The following ANKRD11 variants were observed in gnomAD, a reference collection of about 807,000 sequenced individuals.
ANKRD11 encodes the protein ankyrin repeat domain 11, also known as ankyrin repeat domain-containing protein 11.
Under a neutral mutation model 195.7 loss-of-function variants are expected in ANKRD11, and 17 were observed. That is an observed-to-expected ratio of 0.09 (90% CI 0.06 to 0.13). The LOEUF (loss-of-function observed/expected upper bound fraction) is 0.13. Among genes scored for constraint, ANKRD11 ranks in the 10% least tolerant of loss-of-function variants. The pLI is 1.00. For synonymous variants in ANKRD11, 1,953 were observed against 1,528.1 expected (o/e 1.28, Z -6.49); for missense variants, 3,735 against 3,566.1 (o/e 1.05, Z -1.21).
intron 4 of ANKRD11, among the ~76,000 whole-genome samples, chr16:89,303,835 G>T (rs1426065337): frequency 6.6e-6 from 1 of 152,098 alleles, no homozygotes; most frequent in Non-Finnish European, 1.5e-5. Context: ...GGCTGTGCCT[G>T]CTGCCGTTCC....
chr16:89,478,434 ACAC>A (rs1052087016), intron 1 of ANKRD11, among the ~76,000 whole-genome samples: 61 of 152,246 alleles, frequency 4.0e-4, no homozygotes, highest in African/African-American at 1.2e-3. Context: ...CGACGCCTCC[ACAC>A]CACAACTGAA....
At chr16:89,330,565 G>A (rs1244374766) in intron 2 of ANKRD11, among the ~76,000 whole-genome samples, 3 of 151,254 alleles carry the variant, frequency 2.0e-5, no homozygotes, top group Non-Finnish European at 2.9e-5. Context: ...GGTGTGGGGG[G>A]GAGCCACGGC....
intron 2 of ANKRD11, among the ~76,000 whole-genome samples, chr16:89,416,037 C>CA (rs1597339650): frequency 6.6e-6 from 1 of 151,972 alleles, no homozygotes; most frequent in East Asian, 1.9e-4. Flanking sequence ...TCAATCTAAC[C>CA]ACCACAGGCA....
chr16:89,339,159 T>A (rs1211465749), intron 2 of ANKRD11, among the ~76,000 whole-genome samples: 4 of 152,150 alleles, frequency 2.6e-5, no homozygotes, highest in Non-Finnish European at 5.9e-5. Flanking sequence ...AGAATCCATA[T>A]CCCATCTAGA....
At chr16:89,278,131 G>A (rs1460276073) in intron 9 of ANKRD11, 6 of 258,284 alleles carry the variant, frequency 2.3e-5, no homozygotes, top group African/African-American at 4.5e-5. Context: ...GCGTGGTCTG[G>A]GAGGAGACTC....
At position 89,279,977 on chromosome 16, in the gene ANKRD11, C is replaced by T; in HGVS notation, c.6565G>A (p.Ala2189Thr). Residue 2189 changes from alanine to threonine, a missense_variant, in exon 9 of 13, where the codon GCA (alanine) becomes ACA (threonine). Coordinates refer to ENST00000301030, the MANE Select transcript of ANKRD11 (RefSeq NM_013275.6). This position sits in a 1 kb window ranked among gnomAD's most constrained non-coding sequence, Gnocchi z 5.6. The stretch of plus-strand genomic sequence containing the variant: ...GTGGAGGCCTGGTCAGGAGGCAGTG[C>T]CGGCGGCTCCTCAGCCACTACGGTG... ...VSTVVAEEPPALPPDQASTRL... is the reference protein window; with the variant it reads ...VSTVVAEEPPTLPPDQASTRL... The T allele has an allele frequency of 1.9e-6, 3 of 1,610,904 alleles. No individual in the cohort carries two copies. The highest frequency in any genetic ancestry group is 1.1e-5 in the South Asian group (1 of 91,070).
At position 89,402,509 on chromosome 16, in the gene ANKRD11, G is replaced by A. The variant is rs141830957; in HGVS notation, c.-60+15775C>T. On this transcript the variant is annotated intron_variant, in intron 2 of 12. Transcript: ENST00000301030. Reference sequence around the variant, plus strand: ...ATCCTGGGAATGACAGGGAGACCCCGCCTCTAGAAAAACATTTAAAAATTG... The same window carrying A: ...ATCCTGGGAATGACAGGGAGACCCCACCTCTAGAAAAACATTTAAAAATTG... Among the ~76,000 whole-genome samples the A allele has an allele frequency of 1.0e-3, 157 of 151,992 alleles. 1 individual carries two copies. The East Asian group carries it at 0.022, about 21-fold the overall frequency.
chr16:89,279,895 G>T lies in ANKRD11; in HGVS notation c.6647C>A (p.Ala2216Asp), dbSNP rs2151734743. ...EPSGEPKLDV[A>D]LEAAVEAETV... ...CTCCGCCTCCACCGCAGCTTCTAGAGCCACGTCCAGCTTTGGCTCCCCTGA... is the reference window on the plus strand; with the variant it reads ...CTCCGCCTCCACCGCAGCTTCTAGATCCACGTCCAGCTTTGGCTCCCCTGA... The change falls in exon 9 of 13, where the codon GCT (alanine) becomes GAT (aspartate). Residue 2216 changes from alanine (A) to aspartate (D), a missense_variant. Ala to Asp is a moderately radical substitution (Grantham distance 126). Coordinates refer to ENST00000301030, the MANE Select transcript of ANKRD11 (RefSeq NM_013275.6). This position sits in a 1 kb window ranked among gnomAD's most constrained non-coding sequence, Gnocchi z 5.6. The T allele has an allele frequency of 6.2e-7, 1 of 1,605,360 alleles. No individual in the cohort carries two copies.
chr16:89,372,648 T>G (rs1289264159), intron 2 of ANKRD11, among the ~76,000 whole-genome samples: 2 of 152,096 alleles, frequency 1.3e-5, no homozygotes, highest in Non-Finnish European at 2.9e-5. Flanking sequence ...AGAAAAAAAT[T>G]TTTTTGAAAA....
At chr16:89,357,354 A>G (rs1352929135) in intron 2 of ANKRD11, among the ~76,000 whole-genome samples, 1 of 152,130 alleles carries the variant, frequency 6.6e-6, no homozygotes, top group Non-Finnish European at 1.5e-5. Context: ...AGTCTCCAGC[A>G]CCTCACAGGG....
At chr16:89,322,338 AG>A (rs1370232932) in intron 2 of ANKRD11, among the ~76,000 whole-genome samples, 1 of 152,270 alleles carries the variant, frequency 6.6e-6, no homozygotes, top group Non-Finnish European at 1.5e-5. Flanking sequence ...TTGATAGAAC[AG>A]GCCTTTACGT....
chr16:89,475,456 T>G (rs1431152611), intron 1 of ANKRD11, among the ~76,000 whole-genome samples: 2 of 152,170 alleles, frequency 1.3e-5, no homozygotes, highest in African/African-American at 4.8e-5. Context: ...AGCAAGCAGT[T>G]TCACATGAAA....
chr16:89,402,064 C>T (rs530516497), intron 2 of ANKRD11, among the ~76,000 whole-genome samples: 56 of 152,144 alleles, frequency 3.7e-4, no homozygotes, highest in African/African-American at 1.3e-3. Context: ...ACGGCAGCCC[C>T]GAAAGACCCC....
intron 2 of ANKRD11, among the ~76,000 whole-genome samples, chr16:89,384,346 C>A (rs940981552): frequency 6.6e-6 from 1 of 152,236 alleles, no homozygotes; most frequent in East Asian, 1.9e-4. Context: ...GCCCGTCCAA[C>A]ATAGCGAAAC....
At chr16:89,447,328 C>A (rs899850745) in intron 1 of ANKRD11, among the ~76,000 whole-genome samples, 1 of 152,158 alleles carries the variant, frequency 6.6e-6, no homozygotes, top group African/African-American at 2.4e-5. Flanking sequence ...ATCACAAACA[C>A]CCCAACACCC....
Position 89,487,010 on chromosome 16 carries a change from A to G in ANKRD11, c.-145+3235T>C, listed in dbSNP as rs577995676. On this transcript the variant is annotated intron_variant, in intron 1 of 12. Coordinates refer to ENST00000301030, the MANE Select transcript of ANKRD11 (RefSeq NM_013275.6). ...GGCAACAAAGCGAGACTCCGTCTCA[A>G]AAAAAAAAAAAAGAAAAAAACAATT... Among the ~76,000 whole-genome samples the G allele has an allele frequency of 1.3e-3, 199 of 149,618 alleles. 2 individuals are homozygous for G. The highest frequency in any genetic ancestry group is 4.6e-3 in the African/African-American group (190 of 41,146).
intron 3 of ANKRD11, among the ~76,000 whole-genome samples, chr16:89,313,923 A>G (rs2036773674): frequency 6.6e-6 from 1 of 152,226 alleles, no homozygotes; most frequent in Non-Finnish European, 1.5e-5. Flanking sequence ...TACTGTGAGT[A>G]GTTGGAAAAA....
intron 2 of ANKRD11, among the ~76,000 whole-genome samples, chr16:89,401,974 G>A (rs944393301): frequency 1.5e-5 from 2 of 132,238 alleles, no homozygotes; most frequent in Non-Finnish European, 3.1e-5. Context: ...AGAAGGAACC[G>A]GCCCTGCAGA....
chr16:89,409,759 A>G (rs1304853480), intron 2 of ANKRD11, among the ~76,000 whole-genome samples: 3 of 152,252 alleles, frequency 2.0e-5, no homozygotes, highest in Non-Finnish European at 4.4e-5. Context: ...GGCATTTTAT[A>G]GGATTTCTTT....
Sources: gnomAD v4.1 joint callset for allele counts (sites outside exome capture counted in the v4.1 genomes callset) on GRCh38, gnomAD v4.1.1 for gene constraint, Gnocchi (gnomAD v3.1) non-coding constraint, MANE v1.5 for transcripts, NCBI Gene and HGNC (gene_info 2026-07-23, HGNC 2026-07-21) for gene names.